LAMA3: variants seen among roughly 807,000 people sequenced by gnomAD.
LAMA3 encodes laminin subunit alpha-3.
LAMA3 carries 281 observed loss-of-function variants against 402.0 expected under a neutral mutation model. The observed-to-expected ratio is 0.70, with a 90% confidence interval of 0.63 to 0.77. The LOEUF (loss-of-function observed/expected upper bound fraction) is 0.77. Among genes scored for constraint, LAMA3 ranks in the 30% least tolerant of loss-of-function variants. The probability of loss-of-function intolerance (pLI) is 0.00; values close to 1 mark genes in which losing one functional copy is unlikely to be tolerated. For synonymous variants in LAMA3, 1,431 were observed against 1,558.4 expected, an observed-to-expected ratio of 0.92 and a Z score of 1.93; for missense variants, 3,840 against 4,215.5, an observed-to-expected ratio of 0.91 and a Z score of 2.47.
intron 1 of LAMA3, among the ~76,000 whole-genome samples, chr18:23,706,657 A>C (rs1472399446): frequency 6.6e-6 from 1 of 151,990 alleles, no homozygotes; most frequent in Non-Finnish European, 1.5e-5. Flanking sequence ...TATTTTTCTT[A>C]TTGATTTGTA....
chr18:23,954,654 GC>G lies in LAMA3; in HGVS notation c.*8del. 6.2e-7 allele frequency: 1 copy of G among 1,613,972 alleles called. No homozygotes were observed. The highest frequency in any genetic ancestry group is 8.5e-7 in the Non-Finnish European group (1 of 1,179,978). On this transcript the variant is annotated 3_prime_UTR_variant, in exon 75 of 75. Transcript: ENST00000313654. ...ATGGTTGTCCTGACCAGTAACCCAAGCCTATTTCACAGCAAGGAAATTCACC... is the reference window on the plus strand; with the variant it reads ...ATGGTTGTCCTGACCAGTAACCCAAGCTATTTCACAGCAAGGAAATTCACC...
rs115237110 is a variant in LAMA3, at chr18:23,792,055, C to T, written c.1603+7898C>T. ...CCTATTTTATGACACTTTCGACTCTCACACTCAAAGGATTATGAAAATGTT... is the reference window on the plus strand; with the variant it reads ...CCTATTTTATGACACTTTCGACTCTTACACTCAAAGGATTATGAAAATGTT... On this transcript the variant is annotated intron_variant, in intron 12 of 74. Coordinates refer to ENST00000313654, the MANE Select transcript of LAMA3 (RefSeq NM_198129.4). Among the ~76,000 whole-genome samples the T allele has an allele frequency of 6.7e-3, 1,020 of 152,214 alleles. 11 individuals are homozygous for T. Among genetic ancestry groups the T allele is most frequent in the African/African-American group, 0.024 (986 of 41,518 alleles).
In LAMA3 at chr18:23,904,564, A is replaced by C. The variant is rs768753923; in HGVS notation, c.6485A>C (p.Asn2162Thr). The C allele has an allele frequency of 6.3e-7, 1 of 1,595,662 alleles. No individual in the cohort carries two copies. Among genetic ancestry groups the C allele is most frequent in the South Asian group, 1.1e-5 (1 of 88,278 alleles). The change falls in exon 51 of 75, where the codon AAC becomes ACC. Residue 2162 changes from asparagine to threonine, a missense_variant. Physicochemically the swap from Asn to Thr is moderately conservative, Grantham distance 65. Transcript: ENST00000313654. ...LAKQLEEIKRNASGDELVRCA... is the reference protein window; with the variant it reads ...LAKQLEEIKRTASGDELVRCA... ...GCCCTGTCTTCCAGGATCAAGAGAA[A>C]CGCCAGCGGGGATGAGCTGGTGCGC...
At chr18:23,919,014 T>G (rs888646701) in intron 60 of LAMA3, among the ~76,000 whole-genome samples, 1 of 152,252 alleles carries the variant, frequency 6.6e-6, no homozygotes, top group African/African-American at 2.4e-5. Context: ...AAACAAGGTC[T>G]TCTTTGTATA....
intron 15 of LAMA3, 66 bp from the exon 16 acceptor site, chr18:23,815,122 G>A (rs2063150202): frequency 1.4e-6 from 2 of 1,428,632 alleles, no homozygotes; most frequent in Non-Finnish European, 2.0e-6. Flanking sequence ...GCTGTGTAAT[G>A]TTCCCAGAGC....
chr18:23,763,090 C>G (rs916241865), intron 7 of LAMA3, among the ~76,000 whole-genome samples: 3 of 152,104 alleles, frequency 2.0e-5, no homozygotes, highest in Non-Finnish European at 4.4e-5. Flanking sequence ...CTCCTGAACT[C>G]ATTGTGATCC....
chr18:23,880,365 A>G (rs1383187829), intron 39 of LAMA3, among the ~76,000 whole-genome samples: 2 of 152,202 alleles, frequency 1.3e-5, no homozygotes, highest in African/African-American at 4.8e-5. Context: ...TTATAGCACA[A>G]TTTTATAGCT....
rs1185050036 is a variant in LAMA3 at position 23,902,885 on chromosome 18, A to G, written c.6202-124A>G. 4.1e-6 allele frequency: 3 copies of G among 734,230 alleles called. No individual in the cohort carries two copies. The Admixed American group carries it at 5.5e-5, about 14-fold the overall frequency. 45.5% of individuals were successfully genotyped at this position (734,230 alleles called of 1,614,324 possible). On this transcript the variant is annotated intron_variant, in intron 48 of 74. Transcript: ENST00000313654. ...CCTATCACTTTGTAATTGCCTAGAC[A>G]ATGTTCAGGTTCAAGAAAGCATTCT...
intron 12 of LAMA3, among the ~76,000 whole-genome samples, chr18:23,800,018 A>G (rs1401283390): frequency 1.3e-5 from 2 of 152,224 alleles, no homozygotes; most frequent in East Asian, 1.9e-4. Context: ...TGTTAATCTC[A>G]TCTAAAAAAC....
chr18:23,952,461 C>A (rs561575010), intron 73 of LAMA3, among the ~76,000 whole-genome samples: 2 of 152,246 alleles, frequency 1.3e-5, no homozygotes, highest in Admixed American at 6.5e-5. Context: ...TCTATGAACC[C>A]ATATTGGCTA....
intron 32 of LAMA3, among the ~76,000 whole-genome samples, chr18:23,853,334 C>T (rs773726158): frequency 3.9e-5 from 6 of 152,236 alleles, no homozygotes; most frequent in South Asian, 4.1e-4. Flanking sequence ...AGTGCAGTGG[C>T]GTGATCTCGG....
At chr18:23,943,611 G>C (rs943509695) in intron 68 of LAMA3, among the ~76,000 whole-genome samples, 177 bp from the exon 69 acceptor site, 1 of 152,160 alleles carries the variant, frequency 6.6e-6, no homozygotes, top group Non-Finnish European at 1.5e-5. Flanking sequence ...TTAACAGCTG[G>C]AATAGAATAG....
At chr18:23,780,878 G>T (rs990374158) in intron 11 of LAMA3, among the ~76,000 whole-genome samples, 1 of 152,184 alleles carries the variant, frequency 6.6e-6, no homozygotes, top group Non-Finnish European at 1.5e-5. Context: ...AAACTGGGAA[G>T]TGATATGAAA....
chr18:23,782,285 T>C, intron 11 of LAMA3, among the ~76,000 whole-genome samples: 1 of 152,158 alleles, frequency 6.6e-6, no homozygotes, highest in East Asian at 1.9e-4. Flanking sequence ...GGGCGAGGCA[T>C]GGTGGCTCAC....
chr18:23,852,413 T>C (rs557985060), intron 32 of LAMA3, among the ~76,000 whole-genome samples: 4 of 152,396 alleles, frequency 2.6e-5, no homozygotes, highest in African/African-American at 9.6e-5. Context: ...TTTTATCTTC[T>C]TGGCATGTAT....
chr18:23,921,641 G>A, intron 62 of LAMA3, 56 bp downstream of exon 62: 1 of 1,582,520 alleles, frequency 6.3e-7, no homozygotes, highest in Non-Finnish European at 8.6e-7. Flanking sequence ...TTATGATTGT[G>A]ACCAAAAAAA....
Position 23,871,567 on chromosome 18 carries a change from G to C in LAMA3, c.4904G>C (p.Gly1635Ala). Residue 1635 changes from glycine (G) to alanine (A), a missense_variant, in exon 38 of 75, where the codon GGG becomes GCG. Around this residue, in one of 3 missense-constraint regions of LAMA3, gnomAD observed 2,109 missense variants for 2,376.0 expected, o/e 0.89. Transcript: ENST00000313654. ...ETQRLTLSEV[G>A]LEEASDTGSG... The stretch of plus-strand genomic sequence containing the variant: ...CAAAGGCTCACCCTGAGCGAGGTGG[G>C]GCTAGAGGAAGCCTCTGACACAGGA... 1 of 1,614,192 alleles carries C rather than the reference G, an allele frequency of 6.2e-7. No individual in the cohort carries two copies.
chr18:23,822,920 G>A (rs34511347), intron 20 of LAMA3, among the ~76,000 whole-genome samples: 71,559 of 152,056 alleles, frequency 0.47, 18,942 homozygotes, highest in Non-Finnish European at 0.61. Flanking sequence ...GCACAGCCTC[G>A]CCACAGGCAG....
intron 2 of LAMA3, among the ~76,000 whole-genome samples, chr18:23,727,225 A>T (rs2061314539): frequency 6.6e-6 from 1 of 152,256 alleles, no homozygotes; most frequent in South Asian, 2.1e-4. Context: ...CTCATTTAAA[A>T]ATCAGATTTA....
Sources: gnomAD v4.1 joint callset for allele counts (sites outside exome capture counted in the v4.1 genomes callset) on GRCh38, gnomAD v4.1.1 for gene constraint, gnomAD v4.1.1 regional missense constraint, MANE v1.5 for transcripts, NCBI Gene and HGNC (gene_info 2026-07-23, HGNC 2026-07-21) for gene names.